The following RPL27A variants were observed in gnomAD, a reference collection of about 807,000 sequenced individuals.
RPL27A encodes the protein large ribosomal subunit protein uL15.
For synonymous variants in RPL27A, 69 were observed against 68.3 expected (o/e 1.01, Z -0.05); for missense variants, 118 against 189.4 (o/e 0.62, Z 2.21).
intron 4 of RPL27A, chr11:8,685,292 G>T (rs1467060980): frequency 2.1e-6 from 1 of 472,654 alleles, no homozygotes; most frequent in African/African-American, 2.0e-5. Context: ...GAATATAGAG[G>T]TAGTGTTAAG....
intron 1 of RPL27A, 158 bp from the exon 2 acceptor site, chr11:8,683,044 G>A: frequency 5.8e-6 from 5 of 864,108 alleles, no homozygotes; most frequent in Middle Eastern, 4.6e-4. Context: ...CTACCGTGGT[G>A]AGACCTCACG....
rs1555082950 is a variant in RPL27A at position 8,687,400 on chromosome 11, CAAA to C, written c.*1599_*1601del. On this transcript the variant is annotated 3_prime_UTR_variant, in exon 5 of 5. Transcript: ENST00000314138. Reference sequence around the variant, plus strand: ...AGAGTGAAACTCTGTCCACCCCCCCCAAAAAAAGTAAGGGCTCTCCATTAGGGC... The same window carrying C: ...AGAGTGAAACTCTGTCCACCCCCCCCAAAAGTAAGGGCTCTCCATTAGGGC... 2.2e-5 allele frequency: 3 copies of C among 138,074 alleles called. No homozygotes were observed. The highest frequency in any genetic ancestry group is 7.4e-5 in the Admixed American group (1 of 13,442). The allele number at this position is 138,074 out of a possible 1,614,324, so 8.6% of individuals were successfully genotyped here.
chr11:8,684,242 A>T (rs755060443), intron 3 of RPL27A, 161 bp downstream of exon 3: 11 of 773,204 alleles, frequency 1.4e-5, no homozygotes, highest in Non-Finnish European at 1.9e-5. Flanking sequence ...GGCTAGAGTC[A>T]CGCTTGGGTA....
intron 4 of RPL27A, 110 bp downstream of exon 4, chr11:8,685,002 A>C (rs1288981007): frequency 9.4e-7 from 1 of 1,064,310 alleles, no homozygotes; most frequent in Non-Finnish European, 1.5e-6. Flanking sequence ...CCAGACATTG[A>C]TATTCTTCCT....
intron 2 of RPL27A, 74 bp from the exon 3 acceptor site, chr11:8,683,932 C>G (rs779183681): frequency 4.2e-6 from 5 of 1,197,892 alleles, no homozygotes; most frequent in Non-Finnish European, 6.1e-6. Context: ...TCTACCCCCC[C>G]TCGTCCTCCT....
rs1390364940 is a variant in RPL27A at position 8,683,268 on chromosome 11, A to G, written c.67+3A>G. The G allele has an allele frequency of 1.9e-6, 3 of 1,614,092 alleles. No individual in the cohort carries two copies. The highest frequency in any genetic ancestry group is 1.7e-5 in the Admixed American group (1 of 60,026). Reference sequence around the variant, plus strand: ...GAGCCACGGCCACGGCCGCATAGGTAAGTGCCGGCTTCCCCTCGGGGTGGG... The same window carrying G: ...GAGCCACGGCCACGGCCGCATAGGTGAGTGCCGGCTTCCCCTCGGGGTGGG... On this transcript the variant is annotated splice_donor_region_variant and intron_variant, in intron 2 of 4. Transcript: ENST00000314138.
At chr11:8,683,931 C>G (rs749552254) in intron 2 of RPL27A, 75 bp from the exon 3 acceptor site, 3 of 1,192,622 alleles carry the variant, frequency 2.5e-6, no homozygotes, top group Non-Finnish European at 3.7e-6. Context: ...ATCTACCCCC[C>G]CTCGTCCTCC....
Position 8,685,967 on chromosome 11 carries a change from T to C in RPL27A, c.*161T>C. The C allele has an allele frequency of 4.7e-6, 3 of 636,452 alleles. No homozygotes were observed. The highest frequency in any genetic ancestry group is 4.0e-5 in the South Asian group (2 of 50,262). 39.4% of individuals were successfully genotyped at this position (636,452 alleles called of 1,614,324 possible). A position where few individuals can be genotyped will look rare whatever the true frequency, so the allele number is the denominator to read the frequency against. ...GTCCTCTCCTGACTTCCCTCAAATA[T>C]ATGGTAAACGTAAGACCAACACAGA... On this transcript the variant is annotated 3_prime_UTR_variant, in exon 5 of 5. Coordinates refer to ENST00000314138, the MANE Select transcript of RPL27A (RefSeq NM_000990.5).
rs184816442 is a variant in RPL27A at position 8,683,039 on chromosome 11, G to T, written c.4-163G>T. On this transcript the variant is annotated intron_variant, in intron 1 of 4. Transcript: ENST00000314138. The stretch of plus-strand genomic sequence containing the variant: ...AGGACACGCGGGCCCCTGCGCTACC[G>T]TGGTGAGACCTCACGGCCCTGAGCG... 385 of 855,658 alleles carry T rather than the reference G, an allele frequency of 4.5e-4. 2 individuals are homozygous for T. In the East Asian group the frequency reaches 9.7e-3, roughly 21 times the overall value. The allele number at this position is 855,658 out of a possible 1,614,324, so 53.0% of individuals were successfully genotyped here. A position where few individuals can be genotyped will look rare whatever the true frequency, so the allele number is the denominator to read the frequency against.
intron 2 of RPL27A, 100 bp from the exon 3 acceptor site, chr11:8,683,906 T>C (rs1443269122): frequency 1.1e-6 from 1 of 913,218 alleles, no homozygotes; most frequent in Admixed American, 1.7e-5. Flanking sequence ...GGTCTCGAAC[T>C]CCTGACCTCA....
Position 8,686,364 on chromosome 11 carries a change from G to A in RPL27A, c.*558G>A, listed in dbSNP as rs555470589. 1 of 152,668 alleles carries A rather than the reference G, an allele frequency of 6.6e-6. No individual in the cohort carries two copies. The highest frequency in any genetic ancestry group is 1.5e-5 in the Non-Finnish European group (1 of 68,466). 9.5% of individuals were successfully genotyped at this position (152,668 alleles called of 1,614,324 possible). ...TCCTGCCTCAGCTTCCTGACTAACT[G>A]GGATTACAGGCGCCCACCACCATGC... On this transcript the variant is annotated 3_prime_UTR_variant, in exon 5 of 5. Transcript: ENST00000314138.
chr11:8,689,306 A>C lies in RPL27A; in HGVS notation c.*3500A>C, dbSNP rs966245730. 1 of 152,240 alleles carries C rather than the reference A, an allele frequency of 6.6e-6. No homozygotes were observed. The highest frequency in any genetic ancestry group is 1.5e-5 in the Non-Finnish European group (1 of 68,034). 9.4% of individuals were successfully genotyped at this position (152,240 alleles called of 1,614,324 possible). A position where few individuals can be genotyped will look rare whatever the true frequency, so the allele number is the denominator to read the frequency against. On this transcript the variant is annotated 3_prime_UTR_variant, in exon 5 of 5. Coordinates refer to ENST00000314138, the MANE Select transcript of RPL27A (RefSeq NM_000990.5). ...AATTTGTCTCAATTGTCTAAAAGGT[A>C]ATGAGCGTCAGCGACATTCAAGGGC... is the stretch of plus-strand genomic sequence containing the variant.
intron 4 of RPL27A, 200 bp downstream of exon 4, chr11:8,685,092 C>T (rs77786762): frequency 0.098 from 60,138 of 610,954 alleles, 3,552 homozygotes; most frequent in African/African-American, 0.2. Context: ...GTTTGCATTT[C>T]GTGCTTGAAC....
In RPL27A at chr11:8,686,909, A is replaced by G. The variant is rs1267852783; in HGVS notation, c.*1103A>G. On this transcript the variant is annotated 3_prime_UTR_variant, in exon 5 of 5. Coordinates refer to ENST00000314138, the MANE Select transcript of RPL27A (RefSeq NM_000990.5). ...ATACAGTCTAAAACTATAGACAAAT[A>G]AGATGGCACTTAGACTCCTGGGTTT... The G allele has an allele frequency of 6.6e-6, 1 of 152,210 alleles. No individual in the cohort carries two copies. The highest frequency in any genetic ancestry group is 1.5e-5 in the Non-Finnish European group (1 of 68,042). The allele number at this position is 152,210 out of a possible 1,614,324, so 9.4% of individuals were successfully genotyped here.
rs903214050 is a variant in RPL27A at position 8,687,080 on chromosome 11, TAAG to T, written c.*1277_*1279del. On this transcript the variant is annotated 3_prime_UTR_variant, in exon 5 of 5. Transcript: ENST00000314138. The stretch of plus-strand genomic sequence containing the variant: ...CAGAGAAGCACTGAATTGGCTTACA[TAAG>T]AATAGGCTAGAATTACAAGTAGTGA... 56 of 152,356 alleles carry T rather than the reference TAAG, an allele frequency of 3.7e-4. No individual in the cohort carries two copies. The highest frequency in any genetic ancestry group is 1.3e-3 in the African/African-American group (54 of 41,584). 9.4% of individuals were successfully genotyped at this position (152,356 alleles called of 1,614,324 possible). A position where few individuals can be genotyped will look rare whatever the true frequency, so the allele number is the denominator to read the frequency against.
chr11:8,683,920 G>T, intron 2 of RPL27A, 86 bp from the exon 3 acceptor site: 1 of 1,052,006 alleles, frequency 9.5e-7, no homozygotes, highest in South Asian at 1.2e-5. Context: ...GACCTCAGGT[G>T]ATCTACCCCC....
At position 8,689,784 on chromosome 11, in the gene RPL27A, C is replaced by G. The variant is rs892561739; in HGVS notation, c.*3978C>G. 6.6e-6 allele frequency: 1 copy of G among 152,158 alleles called. No individual in the cohort carries two copies. The highest frequency in any genetic ancestry group is 2.4e-5 in the African/African-American group (1 of 41,426). 9.4% of individuals were successfully genotyped at this position (152,158 alleles called of 1,614,324 possible). On this transcript the variant is annotated 3_prime_UTR_variant, in exon 5 of 5. Coordinates refer to ENST00000314138, the MANE Select transcript of RPL27A (RefSeq NM_000990.5). The stretch of plus-strand genomic sequence containing the variant: ...CCCACTTTACGTTGTTTCAAATAAC[C>G]TAGTTTGTGTATCCCTGTAAGTCAT...
intron 1 of RPL27A, 42 bp from the exon 2 acceptor site, chr11:8,683,160 C>A (rs1204126847): frequency 1.3e-6 from 2 of 1,594,366 alleles, no homozygotes; most frequent in East Asian, 2.2e-5. Context: ...CGCCCCCTGC[C>A]CCTAATTCCT....
intron 4 of RPL27A, 151 bp downstream of exon 4, chr11:8,685,043 C>A: frequency 1.3e-6 from 1 of 779,968 alleles, no homozygotes; most frequent in Non-Finnish European, 2.1e-6. Context: ...AGTTCCCTAT[C>A]CGTAGCAGTG....
Sources: gnomAD v4.1 joint callset for allele counts on GRCh38, gnomAD v4.1.1 for gene constraint, MANE v1.5 for transcripts, NCBI Gene and HGNC (gene_info 2026-07-23, HGNC 2026-07-21) for gene names.